The following XKR3 variants were observed in gnomAD, a reference collection of about 807,000 sequenced individuals.
The protein encoded by XKR3 is XK-related protein 3.
In XKR3, 27 loss-of-function variants were observed where a neutral mutation model predicts 40.3. The observed-to-expected ratio is 0.67, with a 90% CI of 0.49 to 0.92. The LOEUF (loss-of-function observed/expected upper bound fraction) is 0.92, where lower values mean the gene tolerates loss of function less well. Among genes scored for constraint, XKR3 ranks in the 40% least tolerant of loss-of-function variants. The pLI, the probability that XKR3 is intolerant of heterozygous loss-of-function variation, is 0.00. For missense variants in XKR3, 472 were observed against 537.6 expected (o/e 0.88, Z 1.21); for synonymous variants, 193 against 195.4 (o/e 0.99, Z 0.10).
chr22:16,790,637 A>G (rs753650362), intron 3 of XKR3, among the ~76,000 whole-genome samples: 269 of 152,300 alleles, frequency 1.8e-3, no homozygotes, highest in Middle Eastern at 6.8e-3. Flanking sequence ...AATAATTTGT[A>G]CAACAAACCC....
intron 3 of XKR3, among the ~76,000 whole-genome samples, chr22:16,795,126 A>G (rs1011218713): frequency 5.9e-5 from 9 of 152,228 alleles, no homozygotes; most frequent in African/African-American, 2.2e-4. Flanking sequence ...TGCACAGAAT[A>G]TAGCCTAAGA....
In XKR3 at chr22:16,807,786, C is replaced by T. The variant is rs1003174858; in HGVS notation, c.288G>A (p.Lys96=). 3 of 1,612,544 alleles carry T rather than the reference C, an allele frequency of 1.9e-6. No individual in the cohort carries two copies. The highest frequency in any genetic ancestry group is 2.5e-6 in the Non-Finnish European group (3 of 1,179,166). ...GAATGTGCCAAAAAAGTAATGCAGC[C>T]TTATTTCTCCTCAAGTCTTTGTTGA... The part of the protein sequence containing the change: ...MFFNKDLRRN[K]AALLFWHILL... The change falls in exon 2 of 4, where the codon AAG becomes AAA. Residue 96 remains lysine (K), a synonymous_variant. Coordinates refer to ENST00000684488, the MANE Select transcript of XKR3 (RefSeq NM_001386955.1).
Position 16,799,796 on chromosome 22 carries a change from A to G in XKR3, c.564T>C (p.Thr188=), listed in dbSNP as rs577441042. The change falls in exon 3 of 4, where the codon ACT becomes ACC. Residue 188 remains threonine, a synonymous_variant. Coordinates refer to ENST00000684488, the MANE Select transcript of XKR3 (RefSeq NM_001386955.1). ...CTCTATTCAAAGGCCATTCTCGTAT[A>G]GTGAGACTGATATACATCTGCAAAA... The part of the protein sequence containing the change: ...QLILQMYISL[T]IREWPLNRAL... The G allele has an allele frequency of 1.5e-4, 249 of 1,614,110 alleles. 2 individuals carry two copies. The South Asian group carries it at 2.6e-3, about 17-fold the overall frequency.
chr22:16,825,006 C>T (rs1317655477), intron 1 of XKR3, among the ~76,000 whole-genome samples: 1 of 152,126 alleles, frequency 6.6e-6, no homozygotes, highest in Non-Finnish European at 1.5e-5. Flanking sequence ...GATTTCTGCC[C>T]CTTTGAGATT....
At chr22:16,789,695 A>G (rs911560277) in intron 3 of XKR3, among the ~76,000 whole-genome samples, 7 of 152,098 alleles carry the variant, frequency 4.6e-5, no homozygotes, top group African/African-American at 1.2e-4. Flanking sequence ...GAAACCGCAG[A>G]AAAAAAACCT....
intron 1 of XKR3, among the ~76,000 whole-genome samples, chr22:16,810,438 G>A (rs959797270): frequency 1.3e-5 from 2 of 152,084 alleles, no homozygotes; most frequent in African/African-American, 4.8e-5. Flanking sequence ...TAAGACACAT[G>A]CAGAATCTAG....
chr22:16,802,070 T>C (rs1408401173), intron 2 of XKR3, among the ~76,000 whole-genome samples: 1 of 152,212 alleles, frequency 6.6e-6, no homozygotes, highest in African/African-American at 2.4e-5. Flanking sequence ...TCTACTATTG[T>C]ACCTCTCTCT....
Position 16,788,085 on chromosome 22 carries a change from C to A in XKR3, c.590-3676G>T, listed in dbSNP as rs1256962471. 3.3e-5 allele frequency among the ~76,000 whole-genome samples: 5 copies of A among 152,066 alleles called. No homozygotes were observed. The East Asian group carries it at 9.6e-4, about 29-fold the overall frequency. On this transcript the variant is annotated intron_variant, in intron 3 of 3. Coordinates refer to ENST00000684488, the MANE Select transcript of XKR3 (RefSeq NM_001386955.1). Reference sequence around the variant, plus strand: ...TTCCTGGATATATCATACATTAGGCCAAAAAACACATCTTGATGAATTCGA... The same window carrying A: ...TTCCTGGATATATCATACATTAGGCAAAAAAACACATCTTGATGAATTCGA...
chr22:16,811,623 T>C (rs2060212922), intron 1 of XKR3, among the ~76,000 whole-genome samples: 1 of 152,226 alleles, frequency 6.6e-6, no homozygotes, highest in African/African-American at 2.4e-5. Context: ...ATGTAAGTTA[T>C]ATTCTTCACG....
At chr22:16,802,735 G>C (rs1248627469) in intron 2 of XKR3, among the ~76,000 whole-genome samples, 1 of 152,096 alleles carries the variant, frequency 6.6e-6, no homozygotes, top group Admixed American at 6.6e-5. Flanking sequence ...TGATCTGCCT[G>C]CCTGGGACTC....
chr22:16,789,004 T>C (rs1190504323), intron 3 of XKR3, among the ~76,000 whole-genome samples: 30 of 152,154 alleles, frequency 2.0e-4, no homozygotes, highest in Admixed American at 5.2e-4. Flanking sequence ...ACACAACAAA[T>C]GACATAAACG....
chr22:16,822,988 A>G (rs1410137141), intron 1 of XKR3, among the ~76,000 whole-genome samples: 1 of 152,070 alleles, frequency 6.6e-6, no homozygotes, highest in Non-Finnish European at 1.5e-5. Flanking sequence ...GACTCAAATG[A>G]TCCTCCTGCC....
rs1346703294 is a variant in XKR3, at chr22:16,799,708, CTATTA to C, written c.589+58_589+62del. On this transcript the variant is annotated intron_variant, in intron 3 of 3. Transcript: ENST00000684488. The stretch of plus-strand genomic sequence containing the variant: ...ATTACATATTTCAACTTCTCAATTT[CTATTA>C]TATTAGTACACTTTATTGACCTTTG... The C allele has an allele frequency of 2.0e-6, 3 of 1,534,510 alleles. No homozygotes were observed. The African/African-American group carries it at 4.2e-5, about 21-fold the overall frequency.
intron 1 of XKR3, among the ~76,000 whole-genome samples, chr22:16,819,060 T>A (rs1265172440): frequency 1.3e-5 from 2 of 151,958 alleles, no homozygotes; most frequent in African/African-American, 2.4e-5. Flanking sequence ...AAAAATGTGA[T>A]ATGCTCTGAT....
Position 16,799,836 on chromosome 22 carries a change from G to A in XKR3, c.524C>T (p.Ser175Phe). Residue 175 changes from serine (S) to phenylalanine (F), a missense_variant, in exon 3 of 4, where the codon TCT (serine) becomes TTT (phenylalanine). Coordinates refer to ENST00000684488, the MANE Select transcript of XKR3 (RefSeq NM_001386955.1). Reference protein sequence around the residue: ...YMSVIQAFLGSVPQLILQMYI... With the variant: ...YMSVIQAFLGFVPQLILQMYI... ...CATCTGCAAAATTAATTGTGGAACA[G>A]AACCGAGAAAAGCCTGAATCACTGA... 6.2e-7 allele frequency: 1 copy of A among 1,614,082 alleles called. No homozygotes were observed. The highest frequency in any genetic ancestry group is 8.5e-7 in the Non-Finnish European group (1 of 1,180,004).
intron 3 of XKR3, among the ~76,000 whole-genome samples, chr22:16,789,426 CAAAT>C (rs368661132): frequency 6.9e-4 from 105 of 151,688 alleles, no homozygotes; most frequent in African/African-American, 2.1e-3. Flanking sequence ...TATGGGAAAA[CAAAT>C]GAATGAACAA....
chr22:16,805,734 A>G (rs753609507), intron 2 of XKR3, among the ~76,000 whole-genome samples: 2 of 152,240 alleles, frequency 1.3e-5, no homozygotes, highest in Non-Finnish European at 2.9e-5. Context: ...GGTAATAAGA[A>G]TTAATACATA....
At chr22:16,785,530 G>C (rs2060086604) in intron 3 of XKR3, among the ~76,000 whole-genome samples, 1 of 151,986 alleles carries the variant, frequency 6.6e-6, no homozygotes, top group Non-Finnish European at 1.5e-5. Flanking sequence ...TCAGTTGAAA[G>C]AGAAAAAATT....
At chr22:16,811,335 A>AG (rs1329640777) in intron 1 of XKR3, among the ~76,000 whole-genome samples, 1 of 152,076 alleles carries the variant, frequency 6.6e-6, no homozygotes, top group East Asian at 1.9e-4. Flanking sequence ...CATGTTGGCC[A>AG]GGCTGGTCTC....
Sources: allele counts gnomAD v4.1 joint callset (sites outside exome capture counted in the v4.1 genomes callset), GRCh38; gene constraint gnomAD v4.1.1; transcripts MANE v1.5; gene names NCBI Gene and HGNC (gene_info 2026-07-23, HGNC 2026-07-21).